The following MC2R variants were observed in gnomAD, a reference collection of about 807,000 sequenced individuals.
MC2R encodes melanocortin 2 receptor.
Under a neutral mutation model 9.8 loss-of-function variants are expected in MC2R, and 9 were observed. The ratio of observed to expected loss-of-function variants is 0.92; its 90% CI spans 0.55 to 1.60. The LOEUF (loss-of-function observed/expected upper bound fraction) is 1.60. Among genes scored for constraint, MC2R ranks in the 40% most tolerant of loss-of-function variants. MC2R has a pLI of 0.00. For missense variants in MC2R, 370 were observed against 389.0 expected (o/e 0.95, Z 0.41); for synonymous variants, 185 against 154.7 (o/e 1.20, Z -1.45).
At chr18:13,911,191 G>A (rs547244336) in intron 1 of MC2R, among the ~76,000 whole-genome samples, 3 of 152,336 alleles carry the variant, frequency 2.0e-5, no homozygotes, top group African/African-American at 7.2e-5. Flanking sequence ...GGACAGGAGA[G>A]GAGCTGAGGG....
intron 1 of MC2R, among the ~76,000 whole-genome samples, chr18:13,886,554 C>T (rs2045277384): frequency 6.6e-6 from 1 of 152,198 alleles, no homozygotes; most frequent in African/African-American, 2.4e-5. Flanking sequence ...TCTCACTGCT[C>T]GTCTCCCTGG....
intron 1 of MC2R, among the ~76,000 whole-genome samples, chr18:13,911,238 GC>G (rs946010874): frequency 7.6e-4 from 115 of 152,268 alleles, no homozygotes; most frequent in African/African-American, 2.6e-3. Flanking sequence ...GTGTCAGGGA[GC>G]AACCCAGGCA....
chr18:13,889,801 G>C (rs142150235), intron 1 of MC2R, among the ~76,000 whole-genome samples: 1 of 152,132 alleles, frequency 6.6e-6, no homozygotes, highest in African/African-American at 2.4e-5. Context: ...CCTGTGCTGT[G>C]CATGGTGGGT....
intron 1 of MC2R, among the ~76,000 whole-genome samples, chr18:13,886,449 G>A (rs1033120784): frequency 6.6e-6 from 1 of 152,188 alleles, no homozygotes; most frequent in Admixed American, 6.5e-5. Flanking sequence ...AGCAAGGAAA[G>A]GTCCATGTGG....
At chr18:13,901,986 G>A (rs2045382951) in intron 1 of MC2R, among the ~76,000 whole-genome samples, 1 of 151,768 alleles carries the variant, frequency 6.6e-6, no homozygotes, top group African/African-American at 2.4e-5. Flanking sequence ...CCCACCGACT[G>A]CCCCACTGCC....
intron 1 of MC2R, among the ~76,000 whole-genome samples, chr18:13,907,448 A>G (rs1417187074): frequency 6.6e-6 from 1 of 152,216 alleles, no homozygotes; most frequent in Non-Finnish European, 1.5e-5. Flanking sequence ...AAATGCTTCA[A>G]GACACTGGTC....
At chr18:13,910,595 C>T (rs2045438855) in intron 1 of MC2R, among the ~76,000 whole-genome samples, 1 of 152,194 alleles carries the variant, frequency 6.6e-6, no homozygotes, top group East Asian at 1.9e-4. Context: ...ACATATACTA[C>T]AAAGTGCCTG....
intron 1 of MC2R, among the ~76,000 whole-genome samples, chr18:13,895,022 C>T (rs375369395): frequency 2.8e-4 from 43 of 151,624 alleles, no homozygotes; most frequent in Admixed American, 5.3e-4. Context: ...CCTGAGCAGC[C>T]GGGCAGTGCC....
chr18:13,908,199 AG>A (rs2045424442), intron 1 of MC2R, among the ~76,000 whole-genome samples: 2 of 152,248 alleles, frequency 1.3e-5, no homozygotes, highest in African/African-American at 4.8e-5. Flanking sequence ...TCAACCATAA[AG>A]AATGAAATCT....
At chr18:13,908,836 C>A (rs78511596) in intron 1 of MC2R, among the ~76,000 whole-genome samples, 4,111 of 151,400 alleles carry the variant, frequency 0.027, 138 homozygotes, top group African/African-American at 0.092. Context: ...TTTAAATAAA[C>A]GTTTTATTTT....
chr18:13,908,942 C>T (rs2045429368), intron 1 of MC2R, among the ~76,000 whole-genome samples: 1 of 152,130 alleles, frequency 6.6e-6, no homozygotes, highest in Admixed American at 6.5e-5. Context: ...TAACATCTTA[C>T]CTGAGTATGG....
In MC2R at chr18:13,905,432, G is replaced by A. The variant is rs371793608; in HGVS notation, c.-129+10056C>T. ...ATCCGGGAGGCAGAGGTTGCACTGA[G>A]CCGTGATCGTGCCACTACACTCCAG... is the stretch of plus-strand genomic sequence containing the variant. On this transcript the variant is annotated intron_variant, in intron 1 of 1. Transcript: ENST00000327606. 8.6e-5 allele frequency among the ~76,000 whole-genome samples: 13 copies of A among 151,914 alleles called. No homozygotes were observed. In the East Asian group the frequency reaches 1.7e-3, roughly 20 times the overall value.
At chr18:13,889,323 G>C (rs1323977591) in intron 1 of MC2R, among the ~76,000 whole-genome samples, 1 of 152,232 alleles carries the variant, frequency 6.6e-6, no homozygotes, top group Admixed American at 6.5e-5. Flanking sequence ...CTCCCCAGGA[G>C]GCAGAGATGG....
intron 1 of MC2R, among the ~76,000 whole-genome samples, chr18:13,898,446 A>C (rs144625321): frequency 6.6e-6 from 1 of 152,228 alleles, no homozygotes; most frequent in African/African-American, 2.4e-5. Flanking sequence ...ACCTGGGGGA[A>C]CTTCCTGCCC....
chr18:13,891,074 G>T (rs1227567881), intron 1 of MC2R, among the ~76,000 whole-genome samples: 1 of 152,212 alleles, frequency 6.6e-6, no homozygotes, highest in African/African-American at 2.4e-5. Flanking sequence ...ATTGGTGGGG[G>T]AGGGATTTGG....
intron 1 of MC2R, among the ~76,000 whole-genome samples, chr18:13,896,266 A>C (rs2149138944): frequency 6.6e-6 from 1 of 152,314 alleles, no homozygotes; most frequent in South Asian, 2.1e-4. Context: ...GGTGCAAATC[A>C]AAAAAGTAGC....
chr18:13,902,806 A>G (rs1317171465), intron 1 of MC2R, among the ~76,000 whole-genome samples: 1 of 152,228 alleles, frequency 6.6e-6, no homozygotes, highest in African/African-American at 2.4e-5. Context: ...GTAATACCCG[A>G]CAAGCACAGG....
intron 1 of MC2R, among the ~76,000 whole-genome samples, chr18:13,899,327 G>GA (rs2045365139): frequency 6.6e-6 from 1 of 151,328 alleles, no homozygotes; most frequent in South Asian, 2.1e-4. Context: ...AGAGACAAAA[G>GA]AAAAAAGAAT....
chr18:13,911,898 C>G (rs1245141671), intron 1 of MC2R, among the ~76,000 whole-genome samples: 1 of 152,168 alleles, frequency 6.6e-6, no homozygotes, highest in East Asian at 1.9e-4. Flanking sequence ...ACCGTACTGC[C>G]TATGAACATC....
Sources: allele counts gnomAD v4.1 joint callset (sites outside exome capture counted in the v4.1 genomes callset), GRCh38; gene constraint gnomAD v4.1.1; transcripts MANE v1.5; gene names NCBI Gene and HGNC (gene_info 2026-07-23, HGNC 2026-07-21).